Variants in SLC16A7 observed in about 807,000 individuals in gnomAD.
The protein encoded by SLC16A7 is solute carrier family 16 member 7, also known as monocarboxylate transporter 2.
A neutral mutation model predicts 34.9 loss-of-function variants in SLC16A7; 33 were observed. The observed-to-expected ratio is 0.94, with a 90% confidence interval of 0.72 to 1.26. The LOEUF is 1.26. Ranked by LOEUF, SLC16A7 falls within the 50% of genes most tolerant of loss-of-function variation. The probability of loss-of-function intolerance (pLI) is 0.00; values close to 1 mark genes in which losing one functional copy is unlikely to be tolerated. For synonymous variants in SLC16A7, 201 were observed against 206.6 expected, an observed-to-expected ratio of 0.97 and a Z score of 0.23; for missense variants, 573 against 578.1, an observed-to-expected ratio of 0.99 and a Z score of 0.09.
At chr12:59,766,931 G>T (rs1881711863) in intron 3 of SLC16A7, among the ~76,000 whole-genome samples, 2 of 151,996 alleles carry the variant, frequency 1.3e-5, no homozygotes, top group African/African-American at 4.8e-5. Flanking sequence ...TGTACCTCTG[G>T]TAGAATTCAG....
At chr12:59,738,904 CACTT>C (rs1877932119) in intron 3 of SLC16A7, among the ~76,000 whole-genome samples, 1 of 150,892 alleles carries the variant, frequency 6.6e-6, no homozygotes. Flanking sequence ...AAATTTATAT[CACTT>C]ACCCATTTAT....
At chr12:59,733,408 GC>G (rs1050534872) in intron 3 of SLC16A7, among the ~76,000 whole-genome samples, 2 of 152,148 alleles carry the variant, frequency 1.3e-5, no homozygotes, top group Admixed American at 6.5e-5. Context: ...AAAGGCACTG[GC>G]TTTTTGTGGG....
chr12:59,639,431 TTAGAG>T (rs1440424142), intron 1 of SLC16A7, among the ~76,000 whole-genome samples: 1 of 152,134 alleles, frequency 6.6e-6, no homozygotes, highest in Non-Finnish European at 1.5e-5. Flanking sequence ...GTTGCCCAGG[TTAGAG>T]TAGAGTGGTA....
chr12:59,775,493 C>G lies in SLC16A7; in HGVS notation c.1180+18C>G, dbSNP rs755869650. ...TCTTGCAGGTAAGAACGTTTTTCATCAAGGAAAATGTAAAGCATAAAATTA... is the reference window on the plus strand; with the variant it reads ...TCTTGCAGGTAAGAACGTTTTTCATGAAGGAAAATGTAAAGCATAAAATTA... On this transcript the variant is annotated intron_variant, in intron 5 of 5. Transcript: ENST00000547379. The G allele has an allele frequency of 2.5e-6, 4 of 1,575,680 alleles. No individual in the cohort carries two copies. The highest frequency in any genetic ancestry group is 1.4e-5 in the African/African-American group (1 of 73,756).
At chr12:59,760,290 T>C (rs1157204780) in intron 3 of SLC16A7, among the ~76,000 whole-genome samples, 3 of 152,086 alleles carry the variant, frequency 2.0e-5, no homozygotes, top group Admixed American at 2.0e-4. Context: ...TTTCAAATTT[T>C]ATTAAGCTTA....
At chr12:59,716,980 G>A (rs970686213) in intron 3 of SLC16A7, among the ~76,000 whole-genome samples, 9 of 152,168 alleles carry the variant, frequency 5.9e-5, no homozygotes, top group African/African-American at 1.2e-4. Flanking sequence ...TGGTGTAAGC[G>A]GCTGTGATAT....
intron 2 of SLC16A7, among the ~76,000 whole-genome samples, chr12:59,693,011 TA>T (rs1030410040): frequency 5.9e-5 from 9 of 151,904 alleles, no homozygotes; most frequent in African/African-American, 2.2e-4. Context: ...TCCTTTTGTA[TA>T]AAAAAAGAAA....
intron 3 of SLC16A7, among the ~76,000 whole-genome samples, chr12:59,729,460 A>C (rs972143239): frequency 1.3e-5 from 2 of 152,156 alleles, no homozygotes; most frequent in African/African-American, 2.4e-5. Flanking sequence ...GCCTCATTCT[A>C]ATTCCCAAAT....
chr12:59,619,925 A>G (rs546357935), intron 1 of SLC16A7, among the ~76,000 whole-genome samples: 176 of 152,158 alleles, frequency 1.2e-3, no homozygotes, highest in African/African-American at 4.0e-3. Flanking sequence ...ACAGAAAACA[A>G]TCCAAGGCAC....
chr12:59,736,249 T>TA (rs1877576258), intron 3 of SLC16A7, among the ~76,000 whole-genome samples: 1 of 152,056 alleles, frequency 6.6e-6, no homozygotes, highest in African/African-American at 2.4e-5. Context: ...GGCAAAATAA[T>TA]AAAAATTGCT....
Position 59,783,786 on chromosome 12 carries a change from G to A in SLC16A7, c.*4107G>A, listed in dbSNP as rs1428661179. ...CCTGCCTCAGCCTCCCGAGTAACTG[G>A]AATTACAGGCATGTGCCACCATGCC... On this transcript the variant is annotated 3_prime_UTR_variant, in exon 6 of 6. Transcript: ENST00000547379. The A allele has an allele frequency of 6.6e-6, 1 of 152,196 alleles. No individual in the cohort carries two copies. The highest frequency in any genetic ancestry group is 2.4e-5 in the African/African-American group (1 of 41,356). 9.4% of individuals were successfully genotyped at this position (152,196 alleles called of 1,614,324 possible). A position where few individuals can be genotyped will look rare whatever the true frequency, so the allele number is the denominator to read the frequency against.
intron 1 of SLC16A7, among the ~76,000 whole-genome samples, chr12:59,609,513 G>A (rs977076513): frequency 6.7e-5 from 10 of 148,438 alleles, no homozygotes; most frequent in African/African-American, 2.5e-4. Flanking sequence ...TGGGTCGGGG[G>A]GCATAGGTAG....
intron 1 of SLC16A7, among the ~76,000 whole-genome samples, chr12:59,631,853 A>C (rs898411321): frequency 7.9e-5 from 12 of 151,998 alleles, no homozygotes; most frequent in African/African-American, 2.7e-4. Flanking sequence ...TGGTTGGGAA[A>C]GTAAATATAA....
intron 3 of SLC16A7, among the ~76,000 whole-genome samples, chr12:59,710,686 G>C (rs1156643304): frequency 6.6e-6 from 1 of 152,028 alleles, no homozygotes; most frequent in Non-Finnish European, 1.5e-5. Flanking sequence ...TTTATGACCT[G>C]ACAAGAATAA....
At chr12:59,733,715 G>A (rs143830287) in intron 3 of SLC16A7, 3 of 456,038 alleles carry the variant, frequency 6.6e-6, no homozygotes, top group East Asian at 1.4e-4. Flanking sequence ...CCGCCATTCA[G>A]CAGGTCCCAA....
chr12:59,678,497 G>A (rs536358126), intron 2 of SLC16A7, among the ~76,000 whole-genome samples: 25 of 152,292 alleles, frequency 1.6e-4, no homozygotes, highest in African/African-American at 6.0e-4. Context: ...TAGTTCCGAT[G>A]TCTGCTCAGC....
At position 59,784,320 on chromosome 12, in the gene SLC16A7, AT is replaced by A. The variant is rs1180676925; in HGVS notation, c.*4642del. 4 of 152,138 alleles carry A rather than the reference AT, an allele frequency of 2.6e-5. No homozygotes were observed. Among genetic ancestry groups the A allele is most frequent in the Non-Finnish European group, 5.9e-5 (4 of 68,022 alleles). 9.4% of individuals were successfully genotyped at this position (152,138 alleles called of 1,614,324 possible). ...CAGGAAGTTGAGGCTTCAGTGAGCT[AT>A]AATGGCCCCACTTGCAGTCCAGCCT... On this transcript the variant is annotated 3_prime_UTR_variant, in exon 6 of 6. Transcript: ENST00000547379.
intron 1 of SLC16A7, among the ~76,000 whole-genome samples, chr12:59,636,002 T>TA (rs5798503): frequency 1.5e-3 from 220 of 144,344 alleles, no homozygotes; most frequent in Non-Finnish European, 2.5e-3. Context: ...TGCACTTCTG[T>TA]AAAAAAAAAA....
At chr12:59,663,608 C>T (rs1319768061) in intron 2 of SLC16A7, among the ~76,000 whole-genome samples, 2 of 152,008 alleles carry the variant, frequency 1.3e-5, no homozygotes, top group East Asian at 1.9e-4. Context: ...ATATAGACTG[C>T]TTTTGGTTGT....
Sources: allele counts gnomAD v4.1 joint callset (sites outside exome capture counted in the v4.1 genomes callset), GRCh38; gene constraint gnomAD v4.1.1; transcripts MANE v1.5; gene names NCBI Gene and HGNC (gene_info 2026-07-23, HGNC 2026-07-21).